Variants in ABCG8 observed in about 807,000 individuals in gnomAD.
The protein encoded by ABCG8 is ATP-binding cassette sub-family G member 8.
A neutral mutation model predicts 71.3 loss-of-function variants in ABCG8; 81 were observed. That is an observed-to-expected ratio of 1.14 (90% CI 0.95 to 1.37). ABCG8 has a LOEUF of 1.37. ABCG8 is among the 40% of genes most tolerant of loss of function. The probability of loss-of-function intolerance (pLI) is 0.00; values close to 1 mark genes in which losing one functional copy is unlikely to be tolerated. For missense variants in ABCG8, 1,119 were observed against 866.2 expected (o/e 1.29, Z -3.66); for synonymous variants, 451 against 354.7 (o/e 1.27, Z -3.05).
At chr2:43,869,328 T>C (rs1459904039) in intron 6 of ABCG8, among the ~76,000 whole-genome samples, 2 of 152,150 alleles carry the variant, frequency 1.3e-5, no homozygotes, top group African/African-American at 2.4e-5. Flanking sequence ...ACTATCTTTC[T>C]GGATAGAATT....
In ABCG8 at chr2:43,877,854, A is replaced by G. The variant is rs9282573; in HGVS notation, c.1963A>G (p.Met655Val). The G allele has an allele frequency of 9.1e-4, 1,476 of 1,614,078 alleles. 18 individuals are homozygous for G. The African/African-American group carries it at 0.017, about 19-fold the overall frequency. The change falls in exon 13 of 13, where the codon ATG (methionine) becomes GTG (valine). Residue 655 changes from methionine to valine, a missense_variant. Transcript: ENST00000272286. ...LIVIGLSGGF[M>V]VLYYVSLRFI... ...CGTCATTGGCCTCAGCGGTGGCTTC[A>G]TGGTCCTGTACTACGTGTCCTTAAG... is the stretch of plus-strand genomic sequence containing the variant.
At position 43,866,805 on chromosome 2, in the gene ABCG8, A is replaced by G. The variant is rs1381535934; in HGVS notation, c.965-5171A>G. 2.0e-5 allele frequency among the ~76,000 whole-genome samples: 3 copies of G among 150,914 alleles called. 1 individual carries two copies. Among genetic ancestry groups the G allele is most frequent in the Admixed American group, 6.6e-5 (1 of 15,180 alleles). On this transcript the variant is annotated intron_variant, in intron 6 of 12. Coordinates refer to ENST00000272286, the MANE Select transcript of ABCG8 (RefSeq NM_022437.3). ...CAATGTGGTGATTCCTCAGGGATCT[A>G]GAACTAGAAATACTATTTGACCCAG...
intron 6 of ABCG8, among the ~76,000 whole-genome samples, chr2:43,860,585 G>T (rs1489445677): frequency 2.6e-5 from 4 of 151,204 alleles, no homozygotes; most frequent in Non-Finnish European, 5.9e-5. Context: ...CTCACCATCT[G>T]CAGAGAACTC....
intron 1 of ABCG8, among the ~76,000 whole-genome samples, chr2:43,843,148 T>A (rs542783272): frequency 6.6e-6 from 1 of 152,362 alleles, no homozygotes; most frequent in Admixed American, 6.5e-5. Context: ...CTGGTCTGTC[T>A]CGCTCCATCG....
At position 43,873,887 on chromosome 2, in the gene ABCG8, C is replaced by T. The variant is rs1352487886; in HGVS notation, c.1312C>T (p.His438Tyr). The change falls in exon 9 of 13, where the codon CAT becomes TAT. Residue 438 changes from histidine to tyrosine, a missense_variant. His to Tyr is a moderately conservative substitution (Grantham distance 83, BLOSUM62 2). Coordinates refer to ENST00000272286, the MANE Select transcript of ABCG8 (RefSeq NM_022437.3). ...GACCATCGGCTTCCTCTATTTTGGC[C>T]ATGGGAGCATCCAGCTCTCCTTCAT... ...SMTIGFLYFG[H>Y]GSIQLSFMDT... 6.2e-7 allele frequency: 1 copy of T among 1,614,078 alleles called. No homozygotes were observed. The highest frequency in any genetic ancestry group is 8.5e-7 in the Non-Finnish European group (1 of 1,180,024).
chr2:43,851,590 G>T lies in ABCG8; in HGVS notation c.329G>T (p.Gly110Val). 6.2e-7 allele frequency: 1 copy of T among 1,614,226 alleles called. No individual in the cohort carries two copies. Reference sequence around the variant, plus strand: ...ATCCCTGGTGGCTTTGCAGGTTGTGGGAGAGCCTCCTTGCTAGATGTGATC... The same window carrying T: ...ATCCCTGGTGGCTTTGCAGGTTGTGTGAGAGCCTCCTTGCTAGATGTGATC... ...MLAIIGSSGC[G>V]RASLLDVITG... is the part of the protein sequence containing the mutation. The change falls in exon 4 of 13, where the codon GGG (glycine) becomes GTG (valine). Residue 110 changes from glycine (G) to valine (V), a missense_variant. Physicochemically the swap from Gly to Val is moderately radical, Grantham distance 109. Transcript: ENST00000272286.
At chr2:43,845,712 C>T (rs530297170) in intron 2 of ABCG8, among the ~76,000 whole-genome samples, 38 of 152,174 alleles carry the variant, frequency 2.5e-4, no homozygotes, top group Admixed American at 1.0e-3. Context: ...ATCTCTGCCT[C>T]CCAAATTCAA....
intron 6 of ABCG8, among the ~76,000 whole-genome samples, chr2:43,871,264 C>A (rs1258857016): frequency 6.7e-6 from 1 of 150,184 alleles, no homozygotes; most frequent in Non-Finnish European, 1.5e-5. Context: ...AGAATTCTCA[C>A]CCTCTGGATA....
At chr2:43,860,535 C>G (rs1341527061) in intron 6 of ABCG8, among the ~76,000 whole-genome samples, 3 of 151,412 alleles carry the variant, frequency 2.0e-5, no homozygotes, top group Non-Finnish European at 4.4e-5. Flanking sequence ...GGTTAGAATT[C>G]TCACTCTCTC....
At position 43,851,618 on chromosome 2, in the gene ABCG8, T is replaced by G; in HGVS notation, c.357T>G (p.Thr119=). The G allele has an allele frequency of 6.2e-7, 1 of 1,614,212 alleles. No homozygotes were observed. The highest frequency in any genetic ancestry group is 8.5e-7 in the Non-Finnish European group (1 of 1,180,032). The change falls in exon 4 of 13, where the codon ACT becomes ACG. Residue 119 remains threonine, a synonymous_variant. Transcript: ENST00000272286. ...CGRASLLDVI[T]GRGHGGKIKS... is the part of the protein sequence containing the mutation. ...GAGCCTCCTTGCTAGATGTGATCAC[T>G]GGCCGAGGTCACGGCGGCAAGATCA...
rs766298043 is a variant in ABCG8, at chr2:43,875,213, C to A, written c.1556C>A (p.Ala519Asp). The A allele has an allele frequency of 1.9e-6, 3 of 1,614,064 alleles. No individual in the cohort carries two copies. Among genetic ancestry groups the A allele is most frequent in the Non-Finnish European group, 8.5e-7 (1 of 1,180,040 alleles). The change falls in exon 11 of 13, where the codon GCC becomes GAC. Residue 519 changes from alanine (A) to aspartate (D), a missense_variant. Ala to Asp is a moderately radical substitution (Grantham distance 126, BLOSUM62 -2). Coordinates refer to ENST00000272286, the MANE Select transcript of ABCG8 (RefSeq NM_022437.3). ...IIYGMPTYWLANLRPGLQPFL... is the reference protein window; with the variant it reads ...IIYGMPTYWLDNLRPGLQPFL... ...TACGGGATGCCCACCTACTGGCTGG[C>A]CAACCTGAGGCCAGGCCTCCAGCCC...
intron 1 of ABCG8, among the ~76,000 whole-genome samples, chr2:43,843,685 G>C (rs778934599): frequency 6.6e-6 from 1 of 152,092 alleles, no homozygotes; most frequent in South Asian, 2.1e-4. Flanking sequence ...ACTTCCTGTT[G>C]CTTCTTTGTT....
chr2:43,877,087 G>A (rs557438999), intron 11 of ABCG8, among the ~76,000 whole-genome samples: 1 of 147,952 alleles, frequency 6.8e-6, no homozygotes, highest in Admixed American at 6.7e-5. Flanking sequence ...CTGGGAATAT[G>A]AGGAAACTGT....
In ABCG8 at chr2:43,868,533, T is replaced by C. The variant is rs186000833; in HGVS notation, c.965-3443T>C. 4.0e-3 allele frequency among the ~76,000 whole-genome samples: 604 copies of C among 152,198 alleles called. 4 individuals carry two copies. Among genetic ancestry groups the C allele is most frequent in the Middle Eastern group, 0.037 (11 of 294 alleles). ...AATTCTCACCATCTGCATAGAATAT[T>C]CACTATCTGTCTGGATAGAATTCTG... On this transcript the variant is annotated intron_variant, in intron 6 of 12. Coordinates refer to ENST00000272286, the MANE Select transcript of ABCG8 (RefSeq NM_022437.3).
intron 8 of ABCG8, among the ~76,000 whole-genome samples, chr2:43,873,275 G>A (rs540003894): frequency 1.3e-5 from 2 of 149,788 alleles, no homozygotes; most frequent in South Asian, 2.1e-4. Flanking sequence ...TGCAACCTCC[G>A]CCTCCCAGGT....
chr2:43,872,234 C>T lies in ABCG8; in HGVS notation c.1139C>T (p.Pro380Leu), dbSNP rs1450566961. 8 of 1,613,886 alleles carry T rather than the reference C, an allele frequency of 5.0e-6. No homozygotes were observed. In the African/African-American group the frequency reaches 8.0e-5, roughly 16 times the overall value. The change falls in exon 8 of 13, where the codon CCA (proline) becomes CTA (leucine). Residue 380 changes from proline (P) to leucine (L), a missense_variant. By Grantham distance (98) the Pro-to-Leu change is moderately conservative. Transcript: ENST00000272286. ...CTTCTGCCTCCCAGCAGCGTGACCC[C>T]ACTAGACACCAACTGCCTCCCGAGT... is the stretch of plus-strand genomic sequence containing the variant. Reference protein sequence around the residue: ...EDTCVESSVTPLDTNCLPSPT... With the variant: ...EDTCVESSVTLLDTNCLPSPT...
intron 6 of ABCG8, among the ~76,000 whole-genome samples, chr2:43,857,723 T>A (rs1669162711): frequency 6.6e-6 from 1 of 151,838 alleles, no homozygotes; most frequent in Non-Finnish European, 1.5e-5. Flanking sequence ...GAGAGAACTC[T>A]CACTATCTGG....
At chr2:43,877,174 G>T (rs1669986357) in intron 11 of ABCG8, among the ~76,000 whole-genome samples, 1 of 148,434 alleles carries the variant, frequency 6.7e-6, no homozygotes. Context: ...GGAAGACCAT[G>T]TCAATATAAA....
intron 3 of ABCG8, chr2:43,848,084 T>G (rs1050898027): frequency 1.3e-5 from 2 of 152,058 alleles, no homozygotes; most frequent in African/African-American, 4.8e-5. Flanking sequence ...TGTTTATAGA[T>G]TCAGTGTTGT....
Sources: allele counts gnomAD v4.1 joint callset (sites outside exome capture counted in the v4.1 genomes callset), GRCh38; gene constraint gnomAD v4.1.1; transcripts MANE v1.5; gene names NCBI Gene and HGNC (gene_info 2026-07-23, HGNC 2026-07-21).